PREX1: variants seen among roughly 807,000 people sequenced by gnomAD.
PREX1 encodes the protein phosphatidylinositol 3,4,5-trisphosphate-dependent Rac exchanger 1 protein.
PREX1 carries 41 observed loss-of-function variants against 198.3 expected under a neutral mutation model. The ratio of observed to expected loss-of-function variants is 0.21; its 90% CI spans 0.16 to 0.27. The LOEUF (loss-of-function observed/expected upper bound fraction) is 0.27, where lower values mean the gene tolerates loss of function less well. Ranked by LOEUF, PREX1 falls within the 10% of genes least tolerant of loss-of-function variation. The pLI is 1.00. For synonymous variants in PREX1, 843 were observed against 887.2 expected, an observed-to-expected ratio of 0.95 and a Z score of 0.89; for missense variants, 1,620 against 2,200.7, an observed-to-expected ratio of 0.74 and a Z score of 5.28.
intron 14 of PREX1, among the ~76,000 whole-genome samples, chr20:48,672,691 C>T (rs2089684112): frequency 6.6e-6 from 1 of 152,238 alleles, no homozygotes; most frequent in African/African-American, 2.4e-5. Context: ...CTGCTGCTCC[C>T]CAGATGTGGC....
chr20:48,708,977 G>A (rs192625837), intron 5 of PREX1, among the ~76,000 whole-genome samples: 1 of 152,252 alleles, frequency 6.6e-6, no homozygotes, highest in East Asian at 1.9e-4. Context: ...AAGGATATGG[G>A]ACTGAGCAAA....
chr20:48,885,867 G>A, the PREX1 span, among the ~76,000 whole-genome samples: 1 of 152,146 alleles, frequency 6.6e-6, no homozygotes, highest in Non-Finnish European at 1.5e-5. Flanking sequence ...GCAAAACTAT[G>A]GGGACTGTAA....
the PREX1 span, among the ~76,000 whole-genome samples, chr20:48,850,290 G>T: frequency 6.6e-6 from 1 of 152,182 alleles, no homozygotes; most frequent in Non-Finnish European, 1.5e-5. Flanking sequence ...GGAGGGCCGA[G>T]GGGAGGAAAC....
intron 3 of PREX1, among the ~76,000 whole-genome samples, chr20:48,743,631 A>C (rs1380096774): frequency 6.6e-6 from 1 of 152,232 alleles, no homozygotes; most frequent in Non-Finnish European, 1.5e-5. Context: ...TTTATTGAGC[A>C]CTTACTGTGC....
chr20:48,730,402 C>T (rs1010335266), intron 4 of PREX1, among the ~76,000 whole-genome samples: 3 of 144,672 alleles, frequency 2.1e-5, no homozygotes, highest in Non-Finnish European at 4.5e-5. Flanking sequence ...CATCATGCTG[C>T]GCAAAAGCCA....
chr20:48,780,209 T>A (rs1169114009), intron 1 of PREX1, among the ~76,000 whole-genome samples: 1 of 152,204 alleles, frequency 6.6e-6, no homozygotes, highest in African/African-American at 2.4e-5. Flanking sequence ...CTAAATACCA[T>A]TCTCCAATTA....
chr20:48,744,536 G>C (rs532667634), intron 3 of PREX1, among the ~76,000 whole-genome samples: 2 of 152,320 alleles, frequency 1.3e-5, no homozygotes, highest in African/African-American at 4.8e-5. Flanking sequence ...AAATGCGTTA[G>C]TAATCTTGCA....
At chr20:48,863,362 G>A in the PREX1 span, among the ~76,000 whole-genome samples, 1 of 152,070 alleles carries the variant, frequency 6.6e-6, no homozygotes, top group Non-Finnish European at 1.5e-5. Context: ...CTTGGCAAAT[G>A]TATGACATGC....
At chr20:48,764,788 AAAAAAAAAAG>A (rs1267611377) in intron 1 of PREX1, among the ~76,000 whole-genome samples, 1 of 148,712 alleles carries the variant, frequency 6.7e-6, no homozygotes, top group African/African-American at 2.4e-5. Context: ...TCTCAAAAAA[AAAAAAAAAAG>A]AAAGAAAGAA....
chr20:48,664,654 G>A (rs1191053227), intron 15 of PREX1, among the ~76,000 whole-genome samples: 1 of 152,250 alleles, frequency 6.6e-6, no homozygotes. Context: ...GATCCCCCAG[G>A]ACCTTCAAGG....
chr20:48,852,608 A>C, the PREX1 span, among the ~76,000 whole-genome samples: 1 of 152,212 alleles, frequency 6.6e-6, no homozygotes, highest in Non-Finnish European at 1.5e-5. Context: ...GTAATGCTGC[A>C]GTTCTAACAA....
chr20:48,832,659 C>G (rs2090539681), upstream of PREX1, among the ~76,000 whole-genome samples: 1 of 152,180 alleles, frequency 6.6e-6, no homozygotes, highest in Admixed American at 6.5e-5. Flanking sequence ...ACACACAGCC[C>G]AGGGTTCACT....
the PREX1 span, among the ~76,000 whole-genome samples, chr20:48,886,868 G>T: frequency 2.7e-4 from 41 of 152,156 alleles, no homozygotes; most frequent in East Asian, 5.6e-3. Flanking sequence ...AGAGCTGGGT[G>T]GTGAATCCAA....
intron 1 of PREX1, among the ~76,000 whole-genome samples, chr20:48,810,585 T>TAA (rs760906489): frequency 3.9e-5 from 3 of 77,568 alleles, no homozygotes; most frequent in African/African-American, 1.0e-4. Flanking sequence ...TCACCTCAAT[T>TAA]AAAAAAAAAA....
intron 29 of PREX1, among the ~76,000 whole-genome samples, chr20:48,641,846 G>GA (rs2089414228): frequency 1.4e-3 from 25 of 17,810 alleles, no homozygotes; most frequent in African/African-American, 4.8e-3. Flanking sequence ...GAGAGAGGAA[G>GA]GAAGGAAGGA....
chr20:48,720,871 G>A (rs1161855352), intron 5 of PREX1, among the ~76,000 whole-genome samples: 2 of 152,130 alleles, frequency 1.3e-5, no homozygotes, highest in African/African-American at 4.8e-5. Flanking sequence ...GGTGACAGCT[G>A]CATCACCCAC....
At chr20:48,648,751 G>T (rs548372503) in intron 25 of PREX1, among the ~76,000 whole-genome samples, 1 of 152,254 alleles carries the variant, frequency 6.6e-6, no homozygotes, top group Admixed American at 6.5e-5. Flanking sequence ...ATCATTCGTT[G>T]ATGATTTGGC....
intron 4 of PREX1, among the ~76,000 whole-genome samples, chr20:48,732,788 T>C (rs1410248284): frequency 4.6e-5 from 7 of 152,288 alleles, no homozygotes; most frequent in Admixed American, 3.9e-4. Flanking sequence ...TGCTGGCCGA[T>C]GGGACGTGAG....
chr20:48,664,745 C>T (rs1273329638), intron 15 of PREX1, among the ~76,000 whole-genome samples: 2 of 151,872 alleles, frequency 1.3e-5, no homozygotes, highest in African/African-American at 2.4e-5. Flanking sequence ...CTCCAGACGG[C>T]CTGAATTCTA....
Sources: allele counts gnomAD v4.1 joint callset (sites outside exome capture counted in the v4.1 genomes callset), GRCh38; gene constraint gnomAD v4.1.1; transcripts MANE v1.5; gene names NCBI Gene and HGNC (gene_info 2026-07-23, HGNC 2026-07-21).